RAD51B: variants seen among roughly 807,000 people sequenced by gnomAD.
RAD51B encodes DNA repair protein RAD51 homolog 2.
A neutral mutation model predicts 42.2 loss-of-function variants in RAD51B; 38 were observed. That is an observed-to-expected ratio of 0.90 (90% CI 0.70 to 1.18). RAD51B has a LOEUF of 1.18. RAD51B is among the 50% of genes most tolerant of loss of function. The pLI, the probability that RAD51B is intolerant of heterozygous loss-of-function variation, is 0.00. For synonymous variants in RAD51B, 154 were observed against 145.2 expected, an observed-to-expected ratio of 1.06 and a Z score of -0.43; for missense variants, 373 against 400.7, an observed-to-expected ratio of 0.93 and a Z score of 0.59.
chr14:68,451,896 G>A lies in RAD51B; in HGVS notation c.958-16276G>A, dbSNP rs113996023. On this transcript the variant is annotated intron_variant, in intron 9 of 10. Coordinates refer to ENST00000471583, the MANE Select transcript of RAD51B (RefSeq NM_133510.4). ...TTCCTGTGAGACTAAAGAAAGTCCC[G>A]TGTGGTCCAAGCATGATGTAACAGG... Among the ~76,000 whole-genome samples, 233 of 152,264 alleles carry A rather than the reference G, an allele frequency of 1.5e-3. 1 individual carries two copies. The highest frequency in any genetic ancestry group is 5.3e-3 in the African/African-American group (222 of 41,546).
intron 10 of RAD51B, among the ~76,000 whole-genome samples, chr14:68,567,657 A>G (rs1358108043): frequency 6.6e-6 from 1 of 152,118 alleles, no homozygotes; most frequent in African/African-American, 2.4e-5. Context: ...CCTACTTTTT[A>G]TCATCTGTTT....
At chr14:67,917,939 C>G (rs1380156889) in intron 7 of RAD51B, among the ~76,000 whole-genome samples, 3 of 152,082 alleles carry the variant, frequency 2.0e-5, no homozygotes, top group Admixed American at 6.5e-5. Context: ...AGCACAGAAT[C>G]TGACCATTAT....
At chr14:68,354,809 C>T (rs1187837539) in intron 8 of RAD51B, among the ~76,000 whole-genome samples, 2 of 151,986 alleles carry the variant, frequency 1.3e-5, no homozygotes, top group African/African-American at 2.4e-5. Flanking sequence ...GCTAGCCTCT[C>T]GGCTTGCTCA....
intron 10 of RAD51B, among the ~76,000 whole-genome samples, chr14:68,518,556 C>A (rs1182010011): frequency 4.1e-5 from 4 of 96,956 alleles, no homozygotes; most frequent in South Asian, 3.7e-4. Flanking sequence ...TCATATGAGC[C>A]CCCCCCCCAG....
At chr14:67,850,919 C>T (rs1319581946) in intron 4 of RAD51B, among the ~76,000 whole-genome samples, 1 of 152,162 alleles carries the variant, frequency 6.6e-6, no homozygotes, top group African/African-American at 2.4e-5. Context: ...TATCTCCAGA[C>T]CACCATGTGG....
intron 7 of RAD51B, among the ~76,000 whole-genome samples, chr14:67,907,584 C>G (rs1483434157): frequency 6.6e-6 from 1 of 151,982 alleles, no homozygotes; most frequent in Non-Finnish European, 1.5e-5. Context: ...GGGGGTCCAG[C>G]TGGAACATTC....
intron 7 of RAD51B, among the ~76,000 whole-genome samples, chr14:68,263,643 C>T (rs1288796232): frequency 6.6e-6 from 1 of 152,180 alleles, no homozygotes; most frequent in Non-Finnish European, 1.5e-5. Flanking sequence ...ACACACAAAG[C>T]TACACTTTTC....
intron 11 of RAD51B, among the ~76,000 whole-genome samples, chr14:68,669,945 T>C (rs1893118551): frequency 6.6e-6 from 1 of 152,236 alleles, no homozygotes; most frequent in Admixed American, 6.5e-5. Context: ...ATTGTCTGCC[T>C]GCTGGTGGGA....
intron 7 of RAD51B, chr14:68,113,823 A>G (rs1351460198): frequency 2.6e-5 from 4 of 152,070 alleles, no homozygotes; most frequent in African/African-American, 9.7e-5. Flanking sequence ...TGACATTTGA[A>G]GGCTTCCTCA....
At chr14:67,992,229 G>A (rs1342463804) in intron 7 of RAD51B, among the ~76,000 whole-genome samples, 2 of 152,144 alleles carry the variant, frequency 1.3e-5, no homozygotes, top group Non-Finnish European at 1.5e-5. Flanking sequence ...AGCCTATAAG[G>A]AGTCATAATA....
chr14:68,461,256 T>C (rs547806236), intron 9 of RAD51B, among the ~76,000 whole-genome samples: 26 of 150,996 alleles, frequency 1.7e-4, no homozygotes, highest in African/African-American at 6.1e-4. Flanking sequence ...GTGTGGAAGC[T>C]TGCGAACAGC....
At chr14:68,050,844 C>T (rs1182948004) in intron 7 of RAD51B, among the ~76,000 whole-genome samples, 1 of 151,752 alleles carries the variant, frequency 6.6e-6, no homozygotes, top group Non-Finnish European at 1.5e-5. Flanking sequence ...TGTGTTTTGC[C>T]AAAATGGGAT....
At chr14:68,527,122 G>A (rs960655548) in intron 10 of RAD51B, among the ~76,000 whole-genome samples, 1 of 152,168 alleles carries the variant, frequency 6.6e-6, no homozygotes, top group Non-Finnish European at 1.5e-5. Flanking sequence ...CAATAATAAC[G>A]ATGACCAAAA....
intron 9 of RAD51B, 40 bp from the exon 10 acceptor site, chr14:68,468,132 A>G (rs755879352): frequency 2.5e-6 from 4 of 1,571,200 alleles, no homozygotes; most frequent in Non-Finnish European, 3.5e-6. Context: ...CCCATCCCTG[A>G]TCCTTTGACT....
At chr14:68,268,067 A>G (rs944602087) in intron 7 of RAD51B, among the ~76,000 whole-genome samples, 1 of 152,188 alleles carries the variant, frequency 6.6e-6, no homozygotes, top group African/African-American at 2.4e-5. Context: ...GACTAACATA[A>G]AGCCTCTGAT....
rs765524308 is a variant in RAD51B, at chr14:68,249,740, G to C, written c.757-42144G>C. Reference sequence around the variant, plus strand: ...ACACACAGCCCTGGTGACATGAAAGGGCATTGTTGAAATGACCAAGTGAGT... The same window carrying C: ...ACACACAGCCCTGGTGACATGAAAGCGCATTGTTGAAATGACCAAGTGAGT... On this transcript the variant is annotated intron_variant, in intron 7 of 10. Transcript: ENST00000471583. Among the ~76,000 whole-genome samples the C allele has an allele frequency of 2.0e-5, 3 of 152,282 alleles. No individual in the cohort carries two copies. In the East Asian group the frequency reaches 5.8e-4, roughly 29 times the overall value.
intron 10 of RAD51B, among the ~76,000 whole-genome samples, chr14:68,521,174 T>C (rs979554655): frequency 6.6e-5 from 10 of 152,170 alleles, no homozygotes; most frequent in Admixed American, 6.5e-4. Context: ...GCCACCCATA[T>C]GCAGAGCTCA....
chr14:68,111,456 G>C (rs1370724110), intron 7 of RAD51B, among the ~76,000 whole-genome samples: 1 of 152,052 alleles, frequency 6.6e-6, no homozygotes, highest in African/African-American at 2.4e-5. Flanking sequence ...CTCTCATGTG[G>C]TTGTGCTGTT....
At chr14:67,946,888 G>C (rs2045414190) in intron 7 of RAD51B, among the ~76,000 whole-genome samples, 1 of 152,126 alleles carries the variant, frequency 6.6e-6, no homozygotes, top group Admixed American at 6.5e-5. Flanking sequence ...ATATATTTCT[G>C]ATTAAGTTGT....
Sources: allele counts gnomAD v4.1 joint callset (sites outside exome capture counted in the v4.1 genomes callset), GRCh38; gene constraint gnomAD v4.1.1; transcripts MANE v1.5; gene names NCBI Gene and HGNC (gene_info 2026-07-23, HGNC 2026-07-21).